Variants in TNFRSF10B observed in about 807,000 individuals in gnomAD.
TNFRSF10B encodes the protein TNF receptor superfamily member 10b.
TNFRSF10B carries 35 observed loss-of-function variants against 41.4 expected under a neutral mutation model. The observed-to-expected ratio is 0.85, with a 90% CI of 0.65 to 1.12. TNFRSF10B has a LOEUF of 1.12. Among genes scored for constraint, TNFRSF10B ranks in the 50% most tolerant of loss-of-function variants. The pLI, the probability that TNFRSF10B is intolerant of heterozygous loss-of-function variation, is 0.00. For missense variants in TNFRSF10B, 584 were observed against 552.7 expected, an observed-to-expected ratio of 1.06 and a Z score of -0.57; for synonymous variants, 230 against 215.5, an observed-to-expected ratio of 1.07 and a Z score of -0.59.
chr8:23,052,032 C>T (rs1054164703), intron 1 of TNFRSF10B, among the ~76,000 whole-genome samples: 4 of 151,984 alleles, frequency 2.6e-5, no homozygotes, highest in East Asian at 1.9e-4. Flanking sequence ...TTCACTGTCT[C>T]GGTCATAATT....
intron 1 of TNFRSF10B, among the ~76,000 whole-genome samples, chr8:23,045,002 G>A (rs1812313264): frequency 1.3e-5 from 2 of 148,604 alleles, no homozygotes; most frequent in South Asian, 4.3e-4. Flanking sequence ...GATCACTTGA[G>A]GCCAGGAGTT....
chr8:23,039,492 T>A (rs1169578784), intron 2 of TNFRSF10B, among the ~76,000 whole-genome samples: 1 of 152,168 alleles, frequency 6.6e-6, no homozygotes, highest in Non-Finnish European at 1.5e-5. Context: ...GGCTTTCAAC[T>A]GATTAGATGG....
Position 23,022,260 on chromosome 8 carries a change from C to T in TNFRSF10B, c.*411G>A, listed in dbSNP as rs764096392. 4.4e-6 allele frequency: 2 copies of T among 453,676 alleles called. No homozygotes were observed. The highest frequency in any genetic ancestry group is 1.6e-5 in the South Asian group (1 of 64,442). 28.1% of individuals were successfully genotyped at this position (453,676 alleles called of 1,614,324 possible). ...GGGAGACAGAGTGAACTGCCCCGCA[C>T]CCCCCACCCAAAAAAGGTTCATATC... On this transcript the variant is annotated 3_prime_UTR_variant, in exon 9 of 9. Coordinates refer to ENST00000276431, the MANE Select transcript of TNFRSF10B (RefSeq NM_003842.5).
At chr8:23,043,373 C>G in intron 1 of TNFRSF10B, 130 bp from the exon 2 acceptor site, 1 of 695,262 alleles carries the variant, frequency 1.4e-6, no homozygotes, top group South Asian at 1.7e-5. Context: ...GCTCTCACCT[C>G]TCAAACATCC....
At position 23,020,623 on chromosome 8, in the gene TNFRSF10B, C is replaced by T. The variant is rs944443524; in HGVS notation, c.*2048G>A. On this transcript the variant is annotated 3_prime_UTR_variant, in exon 9 of 9. Transcript: ENST00000276431. ...ACGAGAATCGCTTGAACCCAGGAGG[C>T]GGAGGTTGCACTGAGCCAAGATCGT... 10 of 452,128 alleles carry T rather than the reference C, an allele frequency of 2.2e-5. No homozygotes were observed. The highest frequency in any genetic ancestry group is 8.0e-5 in the African/African-American group (4 of 49,902). 28.0% of individuals were successfully genotyped at this position (452,128 alleles called of 1,614,324 possible). A position where few individuals can be genotyped will look rare whatever the true frequency, so the allele number is the denominator to read the frequency against.
chr8:23,055,789 C>G (rs904303265), intron 1 of TNFRSF10B, among the ~76,000 whole-genome samples: 1 of 152,118 alleles, frequency 6.6e-6, no homozygotes, highest in African/African-American at 2.4e-5. Context: ...CACCTGGACC[C>G]ATTTAGATTA....
rs1371053969 is a variant in TNFRSF10B, at chr8:23,020,815, C to G, written c.*1856G>C. 1 of 453,768 alleles carries G rather than the reference C, an allele frequency of 2.2e-6. No homozygotes were observed. The highest frequency in any genetic ancestry group is 4.4e-6 in the Non-Finnish European group (1 of 226,802). 28.1% of individuals were successfully genotyped at this position (453,768 alleles called of 1,614,324 possible). A position where few individuals can be genotyped will look rare whatever the true frequency, so the allele number is the denominator to read the frequency against. On this transcript the variant is annotated 3_prime_UTR_variant, in exon 9 of 9. Coordinates refer to ENST00000276431, the MANE Select transcript of TNFRSF10B (RefSeq NM_003842.5). Reference sequence around the variant, plus strand: ...GGGACCGGACTGGCACCTTCTGAGCCCTGAGGCTGAGCGTCCTGCACAGAA... The same window carrying G: ...GGGACCGGACTGGCACCTTCTGAGCGCTGAGGCTGAGCGTCCTGCACAGAA...
intron 1 of TNFRSF10B, among the ~76,000 whole-genome samples, chr8:23,057,903 A>T (rs146245343): frequency 3.3e-5 from 5 of 152,192 alleles, no homozygotes; most frequent in Admixed American, 2.6e-4. Context: ...CTTGAATGGT[A>T]TATCTATTTT....
intron 1 of TNFRSF10B, chr8:23,068,384 A>G: frequency 3.2e-6 from 1 of 315,216 alleles, no homozygotes; most frequent in South Asian, 3.7e-5. Flanking sequence ...AGGGAGGGAA[A>G]GAAAGGAAGA....
At chr8:23,029,350 A>G (rs1469884334) in intron 4 of TNFRSF10B, among the ~76,000 whole-genome samples, 1 of 152,170 alleles carries the variant, frequency 6.6e-6, no homozygotes, top group Non-Finnish European at 1.5e-5. Flanking sequence ...ATGGGCCCCT[A>G]AAATTATCAT....
intron 3 of TNFRSF10B, among the ~76,000 whole-genome samples, chr8:23,029,999 G>T (rs1040686472): frequency 2.0e-5 from 3 of 152,216 alleles, no homozygotes; most frequent in Non-Finnish European, 2.9e-5. Context: ...TAGATTGCAT[G>T]GCCAGTAGCA....
At chr8:23,030,734 G>C (rs1489732608) in intron 3 of TNFRSF10B, 25 bp downstream of exon 3, 1 of 1,573,588 alleles carries the variant, frequency 6.4e-7, no homozygotes, top group Non-Finnish European at 8.7e-7. Context: ...TCCACCTTTA[G>C]GCATGGGGTC....
intron 1 of TNFRSF10B, among the ~76,000 whole-genome samples, chr8:23,043,521 C>T (rs992304165): frequency 3.3e-5 from 5 of 152,220 alleles, no homozygotes; most frequent in African/African-American, 1.2e-4. Flanking sequence ...ACGTGATATT[C>T]TCAGCTAAAG....
chr8:23,032,346 C>T (rs1309875401), intron 2 of TNFRSF10B, among the ~76,000 whole-genome samples: 2 of 152,144 alleles, frequency 1.3e-5, no homozygotes, highest in Non-Finnish European at 2.9e-5. Context: ...AAAGCTCACA[C>T]CATCAGCCAT....
At chr8:23,062,061 G>T (rs1026247468) in intron 1 of TNFRSF10B, among the ~76,000 whole-genome samples, 1 of 152,150 alleles carries the variant, frequency 6.6e-6, no homozygotes, top group Non-Finnish European at 1.5e-5. Context: ...GTCAAGAAAG[G>T]TTCCCTTCTC....
chr8:23,023,019 T>C (rs770289263), intron 8 of TNFRSF10B, 35 bp from the exon 9 acceptor site: 10 of 1,600,392 alleles, frequency 6.2e-6, no homozygotes, highest in Non-Finnish European at 6.8e-6. Flanking sequence ...GCCAGGTGAG[T>C]TGGGACTCAG....
In TNFRSF10B at chr8:23,068,898, G is replaced by T. The variant is rs758497317; in HGVS notation, c.-4C>A. On this transcript the variant is annotated 5_prime_UTR_variant, in exon 1 of 9. Transcript: ENST00000276431. ...CGTTCTGTCCCCGTTGTTCCATGGC[G>T]GTAGGGAACGCTCTTATAGTCTCTC... The T allele has an allele frequency of 6.2e-5, 100 of 1,613,320 alleles. No individual in the cohort carries two copies. The highest frequency in any genetic ancestry group is 8.1e-5 in the Non-Finnish European group (95 of 1,179,966).
At chr8:23,031,988 C>A (rs1243492150) in intron 2 of TNFRSF10B, among the ~76,000 whole-genome samples, 2 of 150,054 alleles carry the variant, frequency 1.3e-5, no homozygotes, top group Admixed American at 1.3e-4. Context: ...CTCACTGCAA[C>A]CTCTGCCTCC....
chr8:23,021,764 T>C lies in TNFRSF10B; in HGVS notation c.*907A>G, dbSNP rs948080091. Reference sequence around the variant, plus strand: ...TTCAAAAGACTGGCCCCTGTAGAAGTTGCCAATCATTGAAGCCAAAGTACA... The same window carrying C: ...TTCAAAAGACTGGCCCCTGTAGAAGCTGCCAATCATTGAAGCCAAAGTACA... On this transcript the variant is annotated 3_prime_UTR_variant, in exon 9 of 9. Transcript: ENST00000276431. 75 of 454,106 alleles carry C rather than the reference T, an allele frequency of 1.7e-4. 1 individual carries two copies. The highest frequency in any genetic ancestry group is 1.6e-3 in the Admixed American group (70 of 42,574). The allele number at this position is 454,106 out of a possible 1,614,324, so 28.1% of individuals were successfully genotyped here.
Sources: allele counts gnomAD v4.1 joint callset (sites outside exome capture counted in the v4.1 genomes callset), GRCh38; gene constraint gnomAD v4.1.1; transcripts MANE v1.5; gene names NCBI Gene and HGNC (gene_info 2026-07-23, HGNC 2026-07-21).